Variants in EIF5B observed in about 807,000 individuals in gnomAD.
The protein encoded by EIF5B is eukaryotic translation initiation factor 5B.
EIF5B carries 47 observed loss-of-function variants against 147.5 expected under a neutral mutation model. That is an observed-to-expected ratio of 0.32 (90% confidence interval 0.25 to 0.41). The LOEUF is 0.41. Among genes scored for constraint, EIF5B ranks in the 10% least tolerant of loss-of-function variants. EIF5B has a pLI of 1.00. For synonymous variants in EIF5B, 455 were observed against 456.2 expected (o/e 1.00, Z 0.03); for missense variants, 1,064 against 1,413.2 (o/e 0.75, Z 3.96).
rs1483741763 is a variant in EIF5B at position 99,400,688 on chromosome 2, A to AAAT, written c.*1276_*1278dup. 6.6e-6 allele frequency: 1 copy of AAAT among 152,298 alleles called. No individual in the cohort carries two copies. The highest frequency in any genetic ancestry group is 1.9e-4 in the East Asian group (1 of 5,184). The allele number at this position is 152,298 out of a possible 1,614,324, so 9.4% of individuals were successfully genotyped here. Reference sequence around the variant, plus strand: ...TGGGTGTGAGGGTGTTTCTAATTCAAAATATGTAGATTTCTCCGCATGGAA... The same window carrying AAAT: ...TGGGTGTGAGGGTGTTTCTAATTCAAAATAATATGTAGATTTCTCCGCATGGAA... On this transcript the variant is annotated 3_prime_UTR_variant, in exon 24 of 24. Transcript: ENST00000289371.
chr2:99,386,982 C>A (rs1674821919), intron 14 of EIF5B, among the ~76,000 whole-genome samples: 1 of 152,188 alleles, frequency 6.6e-6, no homozygotes, highest in South Asian at 2.1e-4. Context: ...ATTATCTCAG[C>A]TCACTGCAGC....
intron 1 of EIF5B, among the ~76,000 whole-genome samples, chr2:99,341,574 G>A (rs2094259631): frequency 6.6e-6 from 1 of 152,192 alleles, no homozygotes; most frequent in Admixed American, 6.5e-5. Flanking sequence ...AAGGAACTGA[G>A]TGTCAGTGGT....
intron 6 of EIF5B, among the ~76,000 whole-genome samples, chr2:99,367,021 C>T (rs1674341186): frequency 6.6e-6 from 1 of 152,142 alleles, no homozygotes; most frequent in Admixed American, 6.5e-5. Flanking sequence ...TTAATTCCCA[C>T]TGTATAAAAA....
intron 4 of EIF5B, among the ~76,000 whole-genome samples, 178 bp downstream of exon 4, chr2:99,361,998 A>G (rs1045529027): frequency 3.3e-5 from 5 of 152,250 alleles, no homozygotes; most frequent in African/African-American, 1.2e-4. Context: ...TTAATTCTTT[A>G]CATATATAGT....
At chr2:99,362,949 G>A (rs1000746253) in intron 4 of EIF5B, among the ~76,000 whole-genome samples, 1 of 151,698 alleles carries the variant, frequency 6.6e-6, no homozygotes, top group Non-Finnish European at 1.5e-5. Flanking sequence ...AGTAGAGATG[G>A]GGTTTCGTCA....
At chr2:99,355,618 T>G (rs1574922390) in intron 1 of EIF5B, among the ~76,000 whole-genome samples, 1 of 143,328 alleles carries the variant, frequency 7.0e-6, no homozygotes, top group Non-Finnish European at 1.5e-5. Context: ...GGGTTTTTTT[T>G]TTTTTTTTTT....
intron 9 of EIF5B, among the ~76,000 whole-genome samples, chr2:99,374,379 C>T (rs1174106340): frequency 6.7e-6 from 1 of 149,674 alleles, no homozygotes; most frequent in Non-Finnish European, 1.5e-5. Flanking sequence ...TTTATATAGT[C>T]AATACTTACT....
intron 1 of EIF5B, among the ~76,000 whole-genome samples, chr2:99,342,830 C>T (rs1239339686): frequency 6.6e-6 from 1 of 151,996 alleles, no homozygotes; most frequent in African/African-American, 2.4e-5. Flanking sequence ...GATGGGGTCT[C>T]GCTTTGTTAC....
At chr2:99,338,923 TA>T (rs2094251137) in intron 1 of EIF5B, among the ~76,000 whole-genome samples, 1 of 5,194 alleles carries the variant, frequency 1.9e-4, no homozygotes, top group African/African-American at 3.6e-4. Flanking sequence ...GAAGTGTGTG[TA>T]TATATATATA....
chr2:99,401,219 G>A lies in EIF5B; in HGVS notation c.*1805G>A, dbSNP rs1055385900. 3 of 1,423,968 alleles carry A rather than the reference G, an allele frequency of 2.1e-6. No homozygotes were observed. The highest frequency in any genetic ancestry group is 2.3e-5 in the East Asian group (1 of 43,956). The allele number at this position is 1,423,968 out of a possible 1,614,324, so 88.2% of individuals were successfully genotyped here. A position where few individuals can be genotyped will look rare whatever the true frequency, so the allele number is the denominator to read the frequency against. On this transcript the variant is annotated 3_prime_UTR_variant, in exon 24 of 24. Coordinates refer to ENST00000289371, the MANE Select transcript of EIF5B (RefSeq NM_015904.4). ...GCACTTATGGCACAGCTATCAGAGA[G>A]CATCAGGCTCTCTGGTAATATTTAT...
At chr2:99,376,301 T>C (rs914230595) in intron 9 of EIF5B, 46 bp from the exon 10 acceptor site, 3 of 1,206,910 alleles carry the variant, frequency 2.5e-6, no homozygotes, top group South Asian at 3.5e-5. Flanking sequence ...GATATAAATC[T>C]ATCATATTAA....
intron 9 of EIF5B, among the ~76,000 whole-genome samples, chr2:99,374,510 A>G (rs1254479058): frequency 6.6e-6 from 1 of 151,764 alleles, no homozygotes; most frequent in Non-Finnish European, 1.5e-5. Context: ...TTTAGTATGG[A>G]TCAGTTAGTA....
chr2:99,398,708 A>G lies in EIF5B; in HGVS notation c.3394-40A>G, dbSNP rs780317971. 6 of 1,575,230 alleles carry G rather than the reference A, an allele frequency of 3.8e-6. No homozygotes were observed. In the Admixed American group the frequency reaches 1.1e-4, roughly 29 times the overall value. ...AGCCATGGCGCCTGTGATTGGCATG[A>G]ATTCTTCTGCATGCATTTTAATTTG... On this transcript the variant is annotated intron_variant, in intron 22 of 23. Transcript: ENST00000289371.
intron 10 of EIF5B, 24 bp from the exon 11 acceptor site, chr2:99,378,994 GA>G (rs1215411543): frequency 2.9e-5 from 35 of 1,216,170 alleles, no homozygotes; most frequent in Non-Finnish European, 3.7e-5. Context: ...TTTAATTTTT[GA>G]TTTTTTTTTT....
chr2:99,392,703 A>G (rs997284582), intron 17 of EIF5B, among the ~76,000 whole-genome samples: 8 of 152,106 alleles, frequency 5.3e-5, no homozygotes, highest in Non-Finnish European at 8.8e-5. Context: ...ACAGATTTAT[A>G]TGCGCTTATA....
intron 10 of EIF5B, among the ~76,000 whole-genome samples, chr2:99,377,835 T>C (rs539213594): frequency 1.3e-5 from 2 of 152,306 alleles, no homozygotes; most frequent in Non-Finnish European, 2.9e-5. Context: ...CTACATATTA[T>C]GATTTTCTGA....
intron 18 of EIF5B, 144 bp from the exon 19 acceptor site, chr2:99,394,123 G>T: frequency 1.9e-6 from 2 of 1,051,652 alleles, no homozygotes; most frequent in Non-Finnish European, 2.7e-6. Flanking sequence ...TTCCAGCACA[G>T]GTTCTGTGAT....
intron 17 of EIF5B, among the ~76,000 whole-genome samples, chr2:99,392,706 C>T (rs1674962906): frequency 6.6e-6 from 1 of 151,662 alleles, no homozygotes; most frequent in African/African-American, 2.4e-5. Flanking sequence ...GATTTATATG[C>T]GCTTATATAT....
In EIF5B at chr2:99,337,540, C is replaced by T. The variant is rs575337042; in HGVS notation, c.-15C>T. 5.0e-6 allele frequency: 8 copies of T among 1,611,746 alleles called. No individual in the cohort carries two copies. The East Asian group carries it at 1.6e-4, about 31-fold the overall frequency. Reference sequence around the variant, plus strand: ...CGAATAGAGGGGCTGGGGCCACGAGCGCCATTGACAAGCAATGGGGAAGAA... The same window carrying T: ...CGAATAGAGGGGCTGGGGCCACGAGTGCCATTGACAAGCAATGGGGAAGAA... On this transcript the variant is annotated 5_prime_UTR_variant, in exon 1 of 24. Transcript: ENST00000289371.
Sources: gnomAD v4.1 joint callset for allele counts (sites outside exome capture counted in the v4.1 genomes callset) on GRCh38, gnomAD v4.1.1 for gene constraint, MANE v1.5 for transcripts, NCBI Gene and HGNC (gene_info 2026-07-23, HGNC 2026-07-21) for gene names.